The following RBFOX1 variants were observed in gnomAD, a reference collection of about 807,000 sequenced individuals.
The protein encoded by RBFOX1 is RNA binding fox-1 homolog 1, also known as RNA binding protein fox-1 homolog 1.
RBFOX1 carries 8 observed loss-of-function variants against 57.7 expected under a neutral mutation model. The ratio of observed to expected loss-of-function variants is 0.14; its 90% CI spans 0.08 to 0.25. The LOEUF is 0.25. Ranked by LOEUF, RBFOX1 falls within the 10% of genes least tolerant of loss-of-function variation. The pLI is 1.00. For synonymous variants in RBFOX1, 326 were observed against 222.4 expected, an observed-to-expected ratio of 1.47 and a Z score of -4.15; for missense variants, 611 against 548.5, an observed-to-expected ratio of 1.11 and a Z score of -1.14.
chr16:7,610,118 CTT>C lies in RBFOX1; in HGVS notation c.676+2800_676+2801del, dbSNP rs34468596. On this transcript the variant is annotated intron_variant, in intron 10 of 15. Coordinates refer to ENST00000550418, the MANE Select transcript of RBFOX1 (RefSeq NM_018723.4). ...GGTGTGAGCCACTGCGCCCGGCCCCCTTTTTTTTTTTTTTTTTTTTTGAGGCA... is the reference window on the plus strand; with the variant it reads ...GGTGTGAGCCACTGCGCCCGGCCCCCTTTTTTTTTTTTTTTTTTTGAGGCA... Among the ~76,000 whole-genome samples, 13 of 65,614 alleles carry C rather than the reference CTT, an allele frequency of 2.0e-4. No homozygotes were observed. In the South Asian group the frequency reaches 3.1e-3, roughly 16 times the overall value. The allele number at this position is 65,614 out of a possible 152,430, so 43.0% of individuals were successfully genotyped here.
chr16:7,146,801 T>G (rs2075066625), intron 4 of RBFOX1, among the ~76,000 whole-genome samples: 1 of 149,832 alleles, frequency 6.7e-6, no homozygotes, highest in South Asian at 2.2e-4. Flanking sequence ...AATACAAAAA[T>G]ATATCCAAGG....
intron 1 of RBFOX1, among the ~76,000 whole-genome samples, chr16:5,410,492 C>T (rs533421123): frequency 1.5e-4 from 23 of 152,326 alleles, no homozygotes; most frequent in Middle Eastern, 3.4e-3. Context: ...TTTCGTCTTG[C>T]TTCATTCTAA....
intron 4 of RBFOX1, among the ~76,000 whole-genome samples, chr16:5,909,441 T>G (rs2058557959): frequency 6.6e-6 from 1 of 152,150 alleles, no homozygotes; most frequent in Non-Finnish European, 1.5e-5. Context: ...AGCCCAATAT[T>G]TAATAGATAA....
At chr16:5,999,760 C>T (rs944818809) in intron 4 of RBFOX1, among the ~76,000 whole-genome samples, 1 of 151,026 alleles carries the variant, frequency 6.6e-6, no homozygotes, top group Non-Finnish European at 1.5e-5. Flanking sequence ...ACTTGGGAGG[C>T]TGAGGCAGGA....
intron 3 of RBFOX1, among the ~76,000 whole-genome samples, chr16:5,726,543 G>A (rs1284141225): frequency 6.6e-6 from 1 of 152,108 alleles, no homozygotes; most frequent in Non-Finnish European, 1.5e-5. Context: ...GTCAGCCAGG[G>A]GCAAATCCTT....
chr16:6,253,444 G>A (rs1207017620), intron 1 of RBFOX1, among the ~76,000 whole-genome samples: 1 of 152,156 alleles, frequency 6.6e-6, no homozygotes, highest in Non-Finnish European at 1.5e-5. Flanking sequence ...GTCTGACTCA[G>A]GTGAGAAGCC....
intron 3 of RBFOX1, among the ~76,000 whole-genome samples, chr16:7,011,726 G>A (rs1204237300): frequency 6.6e-6 from 1 of 152,136 alleles, no homozygotes; most frequent in African/African-American, 2.4e-5. Context: ...ATGTTAGTCA[G>A]GATGGTCTCG....
intron 1 of RBFOX1, among the ~76,000 whole-genome samples, chr16:5,442,040 C>T (rs1386078362): frequency 1.3e-5 from 2 of 152,094 alleles, no homozygotes; most frequent in Non-Finnish European, 2.9e-5. Flanking sequence ...GGGAGATAGA[C>T]ATGTAATCAA....
intron 2 of RBFOX1, among the ~76,000 whole-genome samples, chr16:5,483,542 C>G (rs1250299795): frequency 6.6e-6 from 1 of 152,214 alleles, no homozygotes; most frequent in Non-Finnish European, 1.5e-5. Flanking sequence ...AGCTTCCTGT[C>G]TATCCCAGCC....
At chr16:6,747,993 A>G (rs2074123933) in intron 3 of RBFOX1, among the ~76,000 whole-genome samples, 1 of 152,164 alleles carries the variant, frequency 6.6e-6, no homozygotes, top group Non-Finnish European at 1.5e-5. Flanking sequence ...CACCTATTAT[A>G]CAAGACTTAG....
chr16:5,652,050 C>G (rs1317209416), intron 3 of RBFOX1, among the ~76,000 whole-genome samples: 2 of 152,124 alleles, frequency 1.3e-5, no homozygotes, highest in Non-Finnish European at 2.9e-5. Context: ...ACAGGAATCT[C>G]TTGAACCTTG....
chr16:6,620,479 C>A (rs755278586), intron 2 of RBFOX1, among the ~76,000 whole-genome samples: 1 of 151,994 alleles, frequency 6.6e-6, no homozygotes, highest in Non-Finnish European at 1.5e-5. Context: ...TAGCAGAAGA[C>A]AGGAAATAAC....
intron 2 of RBFOX1, among the ~76,000 whole-genome samples, chr16:6,492,687 G>A (rs748069190): frequency 1.3e-5 from 2 of 152,310 alleles, no homozygotes; most frequent in Non-Finnish European, 2.9e-5. Flanking sequence ...GTTCACTGCC[G>A]CATTGTGAAC....
intron 11 of RBFOX1, among the ~76,000 whole-genome samples, chr16:7,650,422 C>A (rs560995920): frequency 6.6e-6 from 1 of 152,034 alleles, no homozygotes; most frequent in Admixed American, 6.5e-5. Flanking sequence ...ATAAGAAGTC[C>A]CCCAATGTGC....
intron 3 of RBFOX1, among the ~76,000 whole-genome samples, chr16:5,679,091 A>G (rs2050252817): frequency 6.6e-6 from 1 of 152,210 alleles, no homozygotes; most frequent in Non-Finnish European, 1.5e-5. Context: ...TACTCCATTT[A>G]TGCCTTGTTG....
At chr16:5,938,203 G>A (rs1449450368) in intron 4 of RBFOX1, among the ~76,000 whole-genome samples, 1 of 151,982 alleles carries the variant, frequency 6.6e-6, no homozygotes. Context: ...ACCTATCTTG[G>A]TGTCTTCCTG....
At chr16:6,234,886 G>A (rs11077017) in intron 1 of RBFOX1, among the ~76,000 whole-genome samples, 55,270 of 151,882 alleles carry the variant, frequency 0.36, 10,829 homozygotes, top group Middle Eastern at 0.5. Context: ...CACTAGTATC[G>A]GTTTCCTTGT....
intron 12 of RBFOX1, among the ~76,000 whole-genome samples, chr16:7,655,455 T>C (rs913649746): frequency 3.9e-5 from 6 of 152,212 alleles, no homozygotes; most frequent in African/African-American, 1.4e-4. Flanking sequence ...CTAATGCCTG[T>C]CAAATGTATT....
rs76462517 is a variant in RBFOX1, at chr16:6,752,216, C to T, written c.-16+97566C>T. ...GTGCTGGCTTTGTTCCATCAGGCAA[C>T]ATTAAGATAGAAAAGTATTAAAAAT... is the stretch of plus-strand genomic sequence containing the variant. On this transcript the variant is annotated intron_variant, in intron 3 of 15. Coordinates refer to ENST00000550418, the MANE Select transcript of RBFOX1 (RefSeq NM_018723.4). Among the ~76,000 whole-genome samples, 491 of 152,230 alleles carry T rather than the reference C, an allele frequency of 3.2e-3. 6 individuals carry two copies. Among genetic ancestry groups the T allele is most frequent in the African/African-American group, 0.011 (459 of 41,530 alleles).
Sources: gnomAD v4.1 joint callset for allele counts (sites outside exome capture counted in the v4.1 genomes callset) on GRCh38, gnomAD v4.1.1 for gene constraint, MANE v1.5 for transcripts, NCBI Gene and HGNC (gene_info 2026-07-23, HGNC 2026-07-21) for gene names.